The following EBF2 variants were observed in gnomAD, a reference collection of about 807,000 sequenced individuals.
EBF2 encodes the protein EBF transcription factor 2.
EBF2 carries 21 observed loss-of-function variants against 72.8 expected under a neutral mutation model. The observed-to-expected ratio is 0.29, with a 90% CI of 0.20 to 0.42. The LOEUF is 0.42. Ranked by LOEUF, EBF2 falls within the 10% of genes least tolerant of loss-of-function variation. EBF2 has a pLI of 1.00. For missense variants in EBF2, 637 were observed against 731.2 expected (o/e 0.87, Z 1.49); for synonymous variants, 299 against 274.2 (o/e 1.09, Z -0.89).
chr8:25,989,371 A>G (rs891061792), intron 6 of EBF2, among the ~76,000 whole-genome samples: 1 of 152,214 alleles, frequency 6.6e-6, no homozygotes, highest in African/African-American at 2.4e-5. Flanking sequence ...CTTGCAATAC[A>G]TTCAAATCTG....
chr8:26,011,215 T>C (rs957192549), intron 6 of EBF2, among the ~76,000 whole-genome samples: 1 of 152,232 alleles, frequency 6.6e-6, no homozygotes. Context: ...AAATATTGTT[T>C]ATATTGATTA....
At chr8:25,919,296 G>A (rs911508089) in intron 6 of EBF2, among the ~76,000 whole-genome samples, 1 of 152,172 alleles carries the variant, frequency 6.6e-6, no homozygotes, top group Non-Finnish European at 1.5e-5. Context: ...GGCAAGGGAA[G>A]CTTAGTGGTC....
At chr8:25,886,667 A>G in intron 10 of EBF2, 88 bp downstream of exon 10, 1 of 1,438,548 alleles carries the variant, frequency 7.0e-7, no homozygotes, top group Non-Finnish European at 9.3e-7. Context: ...ACCTAGAAAA[A>G]TCAGGACGAT....
chr8:26,018,388 C>T (rs1805148445), intron 6 of EBF2, among the ~76,000 whole-genome samples: 1 of 149,312 alleles, frequency 6.7e-6, no homozygotes, highest in Admixed American at 6.8e-5. Flanking sequence ...CGCGGTGGCT[C>T]ATGTCTGTAA....
chr8:25,952,596 A>C (rs949398244), intron 6 of EBF2, among the ~76,000 whole-genome samples: 4 of 152,092 alleles, frequency 2.6e-5, no homozygotes, highest in African/African-American at 9.7e-5. Context: ...GCTCATGCCC[A>C]ACCTGCCCTG....
intron 6 of EBF2, among the ~76,000 whole-genome samples, chr8:25,993,107 C>G (rs1804571582): frequency 6.6e-6 from 1 of 152,014 alleles, no homozygotes; most frequent in African/African-American, 2.4e-5. Flanking sequence ...AGTGGAAAAT[C>G]CACTCCCCTG....
intron 10 of EBF2, among the ~76,000 whole-genome samples, chr8:25,883,990 A>G (rs1003981252): frequency 6.6e-6 from 1 of 152,110 alleles, no homozygotes; most frequent in African/African-American, 2.4e-5. Flanking sequence ...CCAAGGCACC[A>G]TATTTGGACT....
intron 5 of EBF2, among the ~76,000 whole-genome samples, chr8:26,038,693 T>C (rs1393059982): frequency 6.6e-6 from 1 of 152,240 alleles, no homozygotes; most frequent in Non-Finnish European, 1.5e-5. Context: ...CCCTGAGATA[T>C]TGGAGTATCT....
chr8:26,015,103 G>A (rs530241974), intron 6 of EBF2, among the ~76,000 whole-genome samples: 3 of 152,252 alleles, frequency 2.0e-5, no homozygotes, highest in Admixed American at 6.5e-5. Flanking sequence ...GTGGACCCCC[G>A]ATAGAAACTT....
chr8:25,879,140 C>T (rs1011674243), intron 10 of EBF2, among the ~76,000 whole-genome samples: 4 of 152,148 alleles, frequency 2.6e-5, no homozygotes, highest in African/African-American at 7.2e-5. Context: ...GTTTGTAAAA[C>T]TACTCATTTT....
intron 6 of EBF2, among the ~76,000 whole-genome samples, chr8:25,911,883 T>C (rs1803135501): frequency 6.6e-6 from 1 of 152,132 alleles, no homozygotes; most frequent in African/African-American, 2.4e-5. Flanking sequence ...AAATAGGACA[T>C]CCAGGGTGAC....
intron 10 of EBF2, among the ~76,000 whole-genome samples, chr8:25,864,510 A>T (rs1463353027): frequency 6.6e-6 from 1 of 151,534 alleles, no homozygotes; most frequent in Non-Finnish European, 1.5e-5. Flanking sequence ...AAACACACAC[A>T]CACACACACA....
At chr8:25,865,822 G>A (rs1020857163) in intron 10 of EBF2, among the ~76,000 whole-genome samples, 2 of 151,510 alleles carry the variant, frequency 1.3e-5, no homozygotes, top group Non-Finnish European at 2.9e-5. Flanking sequence ...TCAGGAGATC[G>A]AGACTATCCT....
At chr8:25,981,853 T>C (rs892548866) in intron 6 of EBF2, among the ~76,000 whole-genome samples, 2 of 151,856 alleles carry the variant, frequency 1.3e-5, no homozygotes, top group East Asian at 3.9e-4. Context: ...ATGGAATAGA[T>C]GCCCAGTTCT....
At chr8:25,982,689 G>A (rs1804381850) in intron 6 of EBF2, among the ~76,000 whole-genome samples, 1 of 152,134 alleles carries the variant, frequency 6.6e-6, no homozygotes, top group African/African-American at 2.4e-5. Context: ...ACACACCAGT[G>A]CTGCCTGATT....
Position 25,844,537 on chromosome 8 carries a change from A to T in EBF2, c.*72T>A. On this transcript the variant is annotated 3_prime_UTR_variant, in exon 16 of 16. Coordinates refer to ENST00000520164, the MANE Select transcript of EBF2 (RefSeq NM_022659.4). ...GGGGGCACCACTACACCCCCAAAAG[A>T]GCTCCTAGTGCTTTCTTCATTATTG... 6.4e-7 allele frequency: 1 copy of T among 1,572,018 alleles called. No homozygotes were observed. Among genetic ancestry groups the T allele is most frequent in the Non-Finnish European group, 8.8e-7 (1 of 1,142,238 alleles).
chr8:25,964,443 G>T (rs1207937528), intron 6 of EBF2, among the ~76,000 whole-genome samples: 1 of 152,132 alleles, frequency 6.6e-6, no homozygotes, highest in Non-Finnish European at 1.5e-5. Context: ...TTTCATGGAC[G>T]TGACATATCC....
intron 6 of EBF2, among the ~76,000 whole-genome samples, chr8:26,012,836 T>A (rs1805048133): frequency 1.3e-5 from 2 of 152,206 alleles, no homozygotes; most frequent in African/African-American, 4.8e-5. Flanking sequence ...CTGTGAAGCA[T>A]CAAACAAAGT....
intron 5 of EBF2, among the ~76,000 whole-genome samples, chr8:26,035,728 T>C (rs1360815325): frequency 6.6e-6 from 1 of 152,168 alleles, no homozygotes; most frequent in African/African-American, 2.4e-5. Context: ...ATACCAGAGT[T>C]TGCCACTGGG....
Sources: allele counts gnomAD v4.1 joint callset (sites outside exome capture counted in the v4.1 genomes callset), GRCh38; gene constraint gnomAD v4.1.1; transcripts MANE v1.5; gene names NCBI Gene and HGNC (gene_info 2026-07-23, HGNC 2026-07-21).